SPG11: variants seen among roughly 807,000 people sequenced by gnomAD.
SPG11 encodes spatacsin.
A neutral mutation model predicts 274.0 loss-of-function variants in SPG11; 222 were observed. The observed-to-expected ratio is 0.81, with a 90% CI of 0.73 to 0.91. The LOEUF (loss-of-function observed/expected upper bound fraction) is 0.91, where lower values mean the gene tolerates loss of function less well. Among genes scored for constraint, SPG11 ranks in the 40% least tolerant of loss-of-function variants. The pLI is 0.00. For missense variants in SPG11, 3,114 were observed against 2,872.7 expected (o/e 1.08, Z -1.92); for synonymous variants, 1,144 against 1,039.7 (o/e 1.10, Z -1.93).
intron 7 of SPG11, among the ~76,000 whole-genome samples, chr15:44,645,543 T>C (rs1366668477): frequency 6.6e-6 from 1 of 152,106 alleles, no homozygotes; most frequent in Non-Finnish European, 1.5e-5. Flanking sequence ...AATACCATTC[T>C]GGACATAGGC....
chr15:44,594,324 G>A (rs748709298), intron 26 of SPG11, among the ~76,000 whole-genome samples: 5 of 151,914 alleles, frequency 3.3e-5, no homozygotes, highest in Non-Finnish European at 5.9e-5. Flanking sequence ...TACTCGGGAG[G>A]CTGAGGCAGG....
intron 13 of SPG11, 113 bp downstream of exon 13, chr15:44,622,107 C>A (rs1212406781): frequency 2.3e-6 from 3 of 1,309,142 alleles, no homozygotes; most frequent in Non-Finnish European, 3.3e-6. Flanking sequence ...GTTTTATCTC[C>A]AAGGAGAATG....
intron 2 of SPG11, among the ~76,000 whole-genome samples, chr15:44,659,897 C>T (rs2085054545): frequency 6.6e-6 from 1 of 152,100 alleles, no homozygotes; most frequent in South Asian, 2.1e-4. Context: ...CCTGTCTCTA[C>T]TAAAAATATA....
chr15:44,657,941 C>T (rs1020571604), intron 3 of SPG11, among the ~76,000 whole-genome samples: 44 of 152,190 alleles, frequency 2.9e-4, no homozygotes, highest in Admixed American at 2.4e-3. Flanking sequence ...GCACGAGAAT[C>T]GCTTGAGCCC....
intron 2 of SPG11, among the ~76,000 whole-genome samples, chr15:44,659,626 C>T (rs1250623434): frequency 6.6e-6 from 1 of 152,006 alleles, no homozygotes; most frequent in Non-Finnish European, 1.5e-5. Flanking sequence ...AAGAAGAAAC[C>T]TTATAATCAA....
rs145195036 is a variant in SPG11, at chr15:44,610,918, A to C, written c.3213T>G (p.Ser1071Arg). Reference protein sequence around the residue: ...AQILIPTNQASVSSMLLEGHT... With the variant: ...AQILIPTNQARVSSMLLEGHT... ...GTCCTTCCAATAGCATACTGCTTACACTGGCCTGATTGGTGGGAATCAAAA... is the reference window on the plus strand; with the variant it reads ...GTCCTTCCAATAGCATACTGCTTACCCTGGCCTGATTGGTGGGAATCAAAA... The change falls in exon 18 of 40, where the codon AGT becomes AGG. Residue 1071 changes from serine to arginine, a missense_variant. By Grantham distance (110) the Ser-to-Arg change is moderately radical. Transcript: ENST00000261866. 53 of 1,613,862 alleles carry C rather than the reference A, an allele frequency of 3.3e-5. No individual in the cohort carries two copies. Among genetic ancestry groups the C allele is most frequent in the Non-Finnish European group, 4.3e-5 (51 of 1,179,932 alleles).
At chr15:44,569,639 C>T in intron 34 of SPG11, 134 bp from the exon 35 acceptor site, 4 of 725,160 alleles carry the variant, frequency 5.5e-6, no homozygotes, top group Non-Finnish European at 9.9e-6. Context: ...GGCTACCATG[C>T]TTAGCTCCCT....
At chr15:44,574,096 T>G (rs1406746465) in intron 31 of SPG11, among the ~76,000 whole-genome samples, 1 of 152,206 alleles carries the variant, frequency 6.6e-6, no homozygotes, top group African/African-American at 2.4e-5. Context: ...CGCTGCCTAC[T>G]GGGTTCAAGC....
At chr15:44,614,876 G>A (rs917578725) in intron 16 of SPG11, among the ~76,000 whole-genome samples, 3 of 152,164 alleles carry the variant, frequency 2.0e-5, no homozygotes, top group Non-Finnish European at 1.5e-5. Context: ...GATTCTGCGG[G>A]TTAATCTTAG....
intron 18 of SPG11, among the ~76,000 whole-genome samples, chr15:44,609,802 G>C (rs184287930): frequency 2.2e-3 from 338 of 150,512 alleles, no homozygotes; most frequent in Non-Finnish European, 3.5e-3. Flanking sequence ...TATGATCTTG[G>C]CTCACTGCAG....
At chr15:44,653,131 G>A (rs540658369) in intron 4 of SPG11, among the ~76,000 whole-genome samples, 1 of 152,258 alleles carries the variant, frequency 6.6e-6, no homozygotes, top group East Asian at 1.9e-4. Context: ...GATGAGGCTA[G>A]AAAGATGGTT....
chr15:44,653,160 T>G (rs930744540), intron 4 of SPG11, among the ~76,000 whole-genome samples: 1 of 152,084 alleles, frequency 6.6e-6, no homozygotes, highest in Non-Finnish European at 1.5e-5. Flanking sequence ...CATAGGCTAT[T>G]AAGAATTTTA....
chr15:44,612,501 T>G (rs1431274670), intron 17 of SPG11, among the ~76,000 whole-genome samples: 1 of 152,098 alleles, frequency 6.6e-6, no homozygotes, highest in Non-Finnish European at 1.5e-5. Context: ...TGGGCTCAAG[T>G]GATCCTCCCA....
In SPG11 at chr15:44,579,090, C is replaced by T. The variant is rs770250964; in HGVS notation, c.5867-4049G>A. Among the ~76,000 whole-genome samples, 305 of 150,964 alleles carry T rather than the reference C, an allele frequency of 2.0e-3. 1 individual carries two copies. Among genetic ancestry groups the T allele is most frequent in the Non-Finnish European group, 2.0e-3 (137 of 67,690 alleles). On this transcript the variant is annotated intron_variant, in intron 30 of 39. Coordinates refer to ENST00000261866, the MANE Select transcript of SPG11 (RefSeq NM_025137.4). ...TGAGAATCTCTTGAACCTGGGAGGC[C>T]GAGGTTGCAGTGAGCTGAGATTGCA...
In SPG11 at chr15:44,567,572, G is replaced by A; in HGVS notation, c.6606C>T (p.Ala2202=). 6.2e-7 allele frequency: 1 copy of A among 1,613,908 alleles called. No individual in the cohort carries two copies. Among genetic ancestry groups the A allele is most frequent in the Non-Finnish European group, 8.5e-7 (1 of 1,179,974 alleles). The change falls in exon 36 of 40, where the codon GCC becomes GCT. Residue 2202 remains alanine, a synonymous_variant. Transcript: ENST00000261866. ...KLDPSGTLKT[A]LLDYIKRCRP... is the part of the protein sequence containing the mutation. ...GGCAGCGTTTGATGTAGTCCAGCAG[G>A]GCTGTTTTCAGGGTACCACTCTGCC...
At chr15:44,578,774 T>A (rs558558797) in intron 30 of SPG11, among the ~76,000 whole-genome samples, 1 of 152,366 alleles carries the variant, frequency 6.6e-6, no homozygotes, top group African/African-American at 2.4e-5. Context: ...CCAGGTCAAC[T>A]GTCTGCTAAA....
intron 35 of SPG11, 114 bp from the exon 36 acceptor site, chr15:44,567,706 C>G (rs1472599570): frequency 9.6e-7 from 1 of 1,043,110 alleles, no homozygotes; most frequent in African/African-American, 1.6e-5. Context: ...AGAAGAGGAG[C>G]AAAAATGAGA....
rs1555450826 is a variant in SPG11, at chr15:44,595,462, G to A, written c.4435-3C>T. 1.2e-6 allele frequency: 2 copies of A among 1,613,924 alleles called. No homozygotes were observed. Among genetic ancestry groups the A allele is most frequent in the Non-Finnish European group, 1.7e-6 (2 of 1,179,850 alleles). ...AGACAAGAAATGGCACTGGCACCCTGCCACGGGATAAATAAAATAACAACT... is the reference window on the plus strand; with the variant it reads ...AGACAAGAAATGGCACTGGCACCCTACCACGGGATAAATAAAATAACAACT... On this transcript the variant is annotated splice_polypyrimidine_tract_variant and splice_region_variant and intron_variant, in intron 25 of 39. Transcript: ENST00000261866.
At chr15:44,620,430 A>T in intron 14 of SPG11, 27 bp from the exon 15 acceptor site, 1 of 1,494,736 alleles carries the variant, frequency 6.7e-7, no homozygotes, top group African/African-American at 1.4e-5. Context: ...ACATTTTAAA[A>T]TATAATTAAT....
Sources: gnomAD v4.1 joint callset for allele counts (sites outside exome capture counted in the v4.1 genomes callset) on GRCh38, gnomAD v4.1.1 for gene constraint, MANE v1.5 for transcripts, NCBI Gene and HGNC (gene_info 2026-07-23, HGNC 2026-07-21) for gene names.